ARHGAP18: variants seen among roughly 807,000 people sequenced by gnomAD.
ARHGAP18 encodes rho GTPase-activating protein 18.
Under a neutral mutation model 86.2 loss-of-function variants are expected in ARHGAP18, and 67 were observed. The ratio of observed to expected loss-of-function variants is 0.78; its 90% confidence interval spans 0.64 to 0.95. The LOEUF is 0.95. ARHGAP18 is among the 40% of genes least tolerant of loss of function. ARHGAP18 has a pLI of 0.00. For synonymous variants in ARHGAP18, 283 were observed against 280.4 expected (o/e 1.01, Z -0.09); for missense variants, 691 against 780.4 (o/e 0.89, Z 1.37).
At chr6:129,706,885 C>CAAAAAA (rs34099358) in intron 1 of ARHGAP18, among the ~76,000 whole-genome samples, 7 of 61,036 alleles carry the variant, frequency 1.1e-4, no homozygotes, top group African/African-American at 2.7e-4. Flanking sequence ...GACTCTGTCT[C>CAAAAAA]AAAAAAAAAA....
chr6:129,604,097 C>T (rs1036585488), intron 10 of ARHGAP18, among the ~76,000 whole-genome samples: 6 of 152,080 alleles, frequency 3.9e-5, no homozygotes, highest in Non-Finnish European at 8.8e-5. Flanking sequence ...TATTAAAGTT[C>T]TAGTTTGAAA....
At chr6:129,615,242 A>G (rs1226555327) in intron 7 of ARHGAP18, among the ~76,000 whole-genome samples, 1 of 152,192 alleles carries the variant, frequency 6.6e-6, no homozygotes, top group Non-Finnish European at 1.5e-5. Flanking sequence ...CCTGTTAATC[A>G]CAGGTACTGC....
intron 8 of ARHGAP18, 95 bp downstream of exon 8, chr6:129,611,438 A>T: frequency 9.8e-7 from 1 of 1,018,492 alleles, no homozygotes; most frequent in South Asian, 1.5e-5. Flanking sequence ...TTTACTAACA[A>T]TGGAAAAAAG....
intron 2 of ARHGAP18, among the ~76,000 whole-genome samples, chr6:129,639,732 C>T (rs73592422): frequency 1.6e-4 from 24 of 152,260 alleles, no homozygotes; most frequent in Non-Finnish European, 3.4e-4. Context: ...ACAACAAAAA[C>T]AGTTTACTAG....
chr6:129,627,426 C>A (rs766504661), intron 5 of ARHGAP18, among the ~76,000 whole-genome samples: 21 of 151,948 alleles, frequency 1.4e-4, no homozygotes, highest in Non-Finnish European at 2.4e-4. Flanking sequence ...CAACAGAAAA[C>A]ATACAATCAC....
chr6:129,576,447 C>CA lies in ARHGAP18; in HGVS notation c.*2065dup, dbSNP rs753115615. The stretch of plus-strand genomic sequence containing the variant: ...CTGTACTCCAATCTGGAAAACAGAG[C>CA]AAGACCCTGTCTCTAAAAAATTTGA... On this transcript the variant is annotated 3_prime_UTR_variant, in exon 15 of 15. Coordinates refer to ENST00000368149, the MANE Select transcript of ARHGAP18 (RefSeq NM_033515.3). The CA allele has an allele frequency of 5.3e-5, 8 of 152,232 alleles. No individual in the cohort carries two copies. Among genetic ancestry groups the CA allele is most frequent in the Middle Eastern group, 3.4e-3 (1 of 292 alleles). 9.4% of individuals were successfully genotyped at this position (152,232 alleles called of 1,614,324 possible). A position where few individuals can be genotyped will look rare whatever the true frequency, so the allele number is the denominator to read the frequency against.
intron 4 of ARHGAP18, among the ~76,000 whole-genome samples, chr6:129,632,130 C>A (rs11753915): frequency 0.2 from 30,820 of 152,046 alleles, 3,314 homozygotes; most frequent in Non-Finnish European, 0.24. Flanking sequence ...ACAATGTTTC[C>A]ATGCATTTCA....
intron 1 of ARHGAP18, among the ~76,000 whole-genome samples, chr6:129,682,277 C>T (rs1323799872): frequency 3.3e-5 from 5 of 152,152 alleles, no homozygotes; most frequent in Non-Finnish European, 7.4e-5. Flanking sequence ...GAAATAACTC[C>T]AGCTTTGGAA....
chr6:129,604,211 CCTT>C (rs945035431), intron 10 of ARHGAP18, among the ~76,000 whole-genome samples: 25 of 151,318 alleles, frequency 1.7e-4, no homozygotes, highest in African/African-American at 5.6e-4. Context: ...CTCCCCCCCC[CCTT>C]AATTATAAAA....
intron 4 of ARHGAP18, among the ~76,000 whole-genome samples, chr6:129,630,095 C>G (rs9385506): frequency 0.21 from 32,602 of 152,084 alleles, 3,669 homozygotes; most frequent in Middle Eastern, 0.26. Flanking sequence ...TCAGGACGTA[C>G]CTGGTACAGG....
chr6:129,668,577 C>T (rs544186887), intron 1 of ARHGAP18, among the ~76,000 whole-genome samples: 1 of 152,266 alleles, frequency 6.6e-6, no homozygotes, highest in African/African-American at 2.4e-5. Flanking sequence ...CTCCATTCCT[C>T]GTCGGGTTCC....
intron 1 of ARHGAP18, among the ~76,000 whole-genome samples, chr6:129,647,932 T>C (rs1773613440): frequency 1.3e-5 from 2 of 152,186 alleles, no homozygotes; most frequent in South Asian, 4.1e-4. Flanking sequence ...CAGTGGTCAC[T>C]TTAATATGTC....
intron 1 of ARHGAP18, among the ~76,000 whole-genome samples, chr6:129,690,497 A>G (rs1774508651): frequency 6.6e-6 from 1 of 152,218 alleles, no homozygotes; most frequent in Non-Finnish European, 1.5e-5. Flanking sequence ...AAGAGAGTTG[A>G]TTGTCTACAT....
At position 129,673,701 on chromosome 6, in the gene ARHGAP18, G is replaced by T. The variant is rs538306096; in HGVS notation, c.114-31683C>A. On this transcript the variant is annotated intron_variant, in intron 1 of 14. Transcript: ENST00000368149. ...TTGCTTCTTAAATTAATGTACATCA[G>T]TTAACTCTTTTTAATGGTATCTGCA... 5.4e-4 allele frequency among the ~76,000 whole-genome samples: 82 copies of T among 152,204 alleles called. 1 individual carries two copies. Among genetic ancestry groups the T allele is most frequent in the Admixed American group, 1.8e-3 (28 of 15,296 alleles).
At chr6:129,647,305 T>G (rs534194669) in intron 1 of ARHGAP18, among the ~76,000 whole-genome samples, 1 of 152,248 alleles carries the variant, frequency 6.6e-6, no homozygotes, top group East Asian at 1.9e-4. Context: ...TCAGGGCAGA[T>G]TTATTTGTAA....
At chr6:129,701,061 TA>T (rs1216828402) in intron 1 of ARHGAP18, among the ~76,000 whole-genome samples, 1 of 150,456 alleles carries the variant, frequency 6.6e-6, no homozygotes, top group East Asian at 1.9e-4. Flanking sequence ...GAGTATATAA[TA>T]AAAAAGTAAA....
chr6:129,607,298 G>A (rs1157995793), intron 9 of ARHGAP18, among the ~76,000 whole-genome samples: 1 of 152,104 alleles, frequency 6.6e-6, no homozygotes, highest in Non-Finnish European at 1.5e-5. Context: ...TAAGATCTAG[G>A]TTCACTGGAA....
chr6:129,607,643 G>T (rs1788881684), intron 9 of ARHGAP18, among the ~76,000 whole-genome samples: 1 of 152,074 alleles, frequency 6.6e-6, no homozygotes, highest in Non-Finnish European at 1.5e-5. Flanking sequence ...GAAATATATT[G>T]TATTGCTTAA....
chr6:129,638,774 C>A (rs1773387126), intron 2 of ARHGAP18, 145 bp from the exon 3 acceptor site: 1 of 723,660 alleles, frequency 1.4e-6, no homozygotes. Flanking sequence ...TGGACAACTG[C>A]CATACACTCC....
Sources: allele counts gnomAD v4.1 joint callset (sites outside exome capture counted in the v4.1 genomes callset), GRCh38; gene constraint gnomAD v4.1.1; transcripts MANE v1.5; gene names NCBI Gene and HGNC (gene_info 2026-07-23, HGNC 2026-07-21).